FMN2: variants seen among roughly 807,000 people sequenced by gnomAD.
FMN2 encodes formin-2.
A neutral mutation model predicts 142.3 loss-of-function variants in FMN2; 51 were observed. The observed-to-expected ratio is 0.36, with a 90% confidence interval of 0.29 to 0.45. FMN2 has a LOEUF of 0.45. Among genes scored for constraint, FMN2 ranks in the 20% least tolerant of loss-of-function variants. The probability of loss-of-function intolerance (pLI) is 1.00; values close to 1 mark genes in which losing one functional copy is unlikely to be tolerated. For synonymous variants in FMN2, 882 were observed against 869.8 expected (o/e 1.01, Z -0.25); for missense variants, 1,936 against 2,122.8 (o/e 0.91, Z 1.73).
intron 15 of FMN2, among the ~76,000 whole-genome samples, chr1:240,400,356 A>G (rs1350685414): frequency 1.3e-5 from 2 of 152,224 alleles, no homozygotes; most frequent in African/African-American, 2.4e-5. Context: ...CCACTGGCAG[A>G]ACAATAAGAT....
chr1:240,454,772 C>G (rs1191652913), intron 16 of FMN2, among the ~76,000 whole-genome samples: 1 of 152,026 alleles, frequency 6.6e-6, no homozygotes, highest in African/African-American at 2.4e-5. Flanking sequence ...AAATAGAAAG[C>G]CAGACCCAAG....
At position 240,148,236 on chromosome 1, in the gene FMN2, C is replaced by T. The variant is rs61830669; in HGVS notation, c.1782+24891C>T. ...GAGACAGAGACAGAGAGACAGAGAC[C>T]GAGAGAGACAAACAGAGATAGACAG... On this transcript the variant is annotated intron_variant, in intron 2 of 17. Transcript: ENST00000319653. Among the ~76,000 whole-genome samples the T allele has an allele frequency of 7.1e-3, 294 of 41,472 alleles. 3 individuals carry two copies. The highest frequency in any genetic ancestry group is 0.015 in the African/African-American group (272 of 18,352). 27.2% of individuals were successfully genotyped at this position (41,472 alleles called of 152,430 possible). A position where few individuals can be genotyped will look rare whatever the true frequency, so the allele number is the denominator to read the frequency against.
At chr1:240,289,528 T>A (rs1365778427) in intron 7 of FMN2, among the ~76,000 whole-genome samples, 1 of 151,524 alleles carries the variant, frequency 6.6e-6, no homozygotes, top group Non-Finnish European at 1.5e-5. Context: ...AAAATAGAAA[T>A]ATTATCTGGG....
intron 7 of FMN2, among the ~76,000 whole-genome samples, chr1:240,292,058 T>G (rs2102956114): frequency 6.6e-6 from 1 of 152,280 alleles, no homozygotes; most frequent in Non-Finnish European, 1.5e-5. Context: ...CAGCAGCAAA[T>G]AAAAATTTAA....
At chr1:240,240,697 C>A (rs1667867853) in intron 6 of FMN2, among the ~76,000 whole-genome samples, 1 of 152,074 alleles carries the variant, frequency 6.6e-6, no homozygotes, top group Non-Finnish European at 1.5e-5. Flanking sequence ...TAACTGAATT[C>A]TAAGTGCTGA....
chr1:240,266,567 G>T (rs1468687809), intron 7 of FMN2, among the ~76,000 whole-genome samples: 1 of 152,016 alleles, frequency 6.6e-6, no homozygotes, highest in Non-Finnish European at 1.5e-5. Flanking sequence ...GCTGTGTAAT[G>T]TTCCGTGGTA....
At chr1:240,467,906 A>G (rs1676673353) in intron 16 of FMN2, among the ~76,000 whole-genome samples, 1 of 152,224 alleles carries the variant, frequency 6.6e-6, no homozygotes, top group Non-Finnish European at 1.5e-5. Flanking sequence ...CTAAAAGATA[A>G]TGCTACATTT....
Position 240,211,206 on chromosome 1 carries a change from G to C in FMN2, c.4036G>C (p.Asp1346His). ...AVKERKKPISDTISKTKAKQV... is the reference protein window; with the variant it reads ...AVKERKKPISHTISKTKAKQV... ...AAAGGAGAGAAAGAAACCTATCTCT[G>C]ATACTATCTCAAAGACGAAGGCTAA... Residue 1346 changes from aspartate to histidine, a missense_variant, in exon 6 of 18, where the codon GAT becomes CAT. By Grantham distance (81) the Asp-to-His change is moderately conservative. This residue lies in a region of FMN2 where 259 missense variants were observed against 230.9 expected (regional missense o/e 1.12). Transcript: ENST00000319653. 3.7e-6 allele frequency: 6 copies of C among 1,611,880 alleles called. No individual in the cohort carries two copies. The highest frequency in any genetic ancestry group is 5.1e-6 in the Non-Finnish European group (6 of 1,179,270).
intron 1 of FMN2, among the ~76,000 whole-genome samples, chr1:240,115,912 G>GT (rs1449134584): frequency 1.3e-5 from 2 of 152,174 alleles, no homozygotes; most frequent in Admixed American, 1.3e-4. Context: ...TTACTCGTGA[G>GT]TTTTTTTGGA....
At chr1:240,424,127 G>A (rs1435513291) in intron 15 of FMN2, among the ~76,000 whole-genome samples, 2 of 152,184 alleles carry the variant, frequency 1.3e-5, no homozygotes, top group Non-Finnish European at 2.9e-5. Context: ...GTGGCAGGAA[G>A]CTCTGTGTCT....
intron 16 of FMN2, among the ~76,000 whole-genome samples, chr1:240,463,108 T>C (rs1676499902): frequency 6.6e-6 from 1 of 152,102 alleles, no homozygotes; most frequent in Non-Finnish European, 1.5e-5. Context: ...CTTTAAACAA[T>C]TTTTGCTTGG....
chr1:240,468,249 T>TATATACATATGCACACACACAC (rs1676691144), intron 16 of FMN2, among the ~76,000 whole-genome samples: 2 of 136,756 alleles, frequency 1.5e-5, no homozygotes, highest in Non-Finnish European at 3.1e-5. Context: ...CACACACACA[T>TATATACATATGCACACACACAC]ATATACATAT....
At chr1:240,097,644 C>T (rs1236479989) in intron 1 of FMN2, among the ~76,000 whole-genome samples, 6 of 152,168 alleles carry the variant, frequency 3.9e-5, no homozygotes, top group Non-Finnish European at 5.9e-5. Flanking sequence ...CGTGAGCCAC[C>T]GCGCCCGGCT....
chr1:240,378,132 GTTTC>G (rs1247372620), intron 14 of FMN2, among the ~76,000 whole-genome samples: 2 of 151,150 alleles, frequency 1.3e-5, no homozygotes, highest in African/African-American at 4.9e-5. Flanking sequence ...TTTCTTTTTT[GTTTC>G]TTTTTTTTAT....
At chr1:240,415,470 CA>C (rs1483684968) in intron 15 of FMN2, among the ~76,000 whole-genome samples, 1 of 151,164 alleles carries the variant, frequency 6.6e-6, no homozygotes. Context: ...ACCACCATGG[CA>C]CATGTATACC....
chr1:240,124,317 C>A (rs1662412942), intron 2 of FMN2, among the ~76,000 whole-genome samples: 1 of 152,186 alleles, frequency 6.6e-6, no homozygotes, highest in East Asian at 1.9e-4. Context: ...TTCCATGGGC[C>A]CTACGATGCT....
chr1:240,471,227 G>T (rs1162131060), intron 16 of FMN2, among the ~76,000 whole-genome samples: 1 of 152,126 alleles, frequency 6.6e-6, no homozygotes, highest in Non-Finnish European at 1.5e-5. Flanking sequence ...GTTATCAAAT[G>T]ATTGGTTCCC....
At chr1:240,113,240 G>T (rs1180356769) in intron 1 of FMN2, among the ~76,000 whole-genome samples, 1 of 151,970 alleles carries the variant, frequency 6.6e-6, no homozygotes, top group African/African-American at 2.4e-5. Context: ...TCTGGTTCCT[G>T]GCCCCAGCCA....
At chr1:240,282,800 AAT>A (rs1405409166) in intron 7 of FMN2, among the ~76,000 whole-genome samples, 1 of 152,200 alleles carries the variant, frequency 6.6e-6, no homozygotes, top group African/African-American at 2.4e-5. Flanking sequence ...CTTCCTTTGA[AAT>A]ATGAGTTTTC....
Sources: gnomAD v4.1 joint callset for allele counts (sites outside exome capture counted in the v4.1 genomes callset) on GRCh38, gnomAD v4.1.1 for gene constraint, gnomAD v4.1.1 regional missense constraint, MANE v1.5 for transcripts, NCBI Gene and HGNC (gene_info 2026-07-23, HGNC 2026-07-21) for gene names.